JARID2: variants seen among roughly 807,000 people sequenced by gnomAD.
JARID2 encodes the protein protein Jumonji.
In JARID2, 21 loss-of-function variants were observed where a neutral mutation model predicts 125.6. That is an observed-to-expected ratio of 0.17 (90% CI 0.12 to 0.24). The LOEUF is 0.24. Ranked by LOEUF, JARID2 falls within the 10% of genes least tolerant of loss-of-function variation. JARID2 has a pLI of 1.00. For missense variants in JARID2, 1,303 were observed against 1,639.6 expected (o/e 0.79, Z 3.55); for synonymous variants, 736 against 661.6 (o/e 1.11, Z -1.73).
chr6:15,306,709 A>G (rs1581393866), intron 1 of JARID2, among the ~76,000 whole-genome samples: 1 of 151,964 alleles, frequency 6.6e-6, no homozygotes, highest in South Asian at 2.1e-4. Context: ...GAAAAATACC[A>G]TCTTCCTTAA....
chr6:15,287,373 T>C (rs1561771441), intron 1 of JARID2, among the ~76,000 whole-genome samples: 1 of 152,220 alleles, frequency 6.6e-6, no homozygotes. Context: ...TATGGTAATA[T>C]GTTTCTTTGT....
intron 1 of JARID2, among the ~76,000 whole-genome samples, chr6:15,342,920 C>T (rs1005944395): frequency 1.2e-4 from 19 of 152,060 alleles, no homozygotes; most frequent in East Asian, 3.9e-4. Flanking sequence ...AAAATAGTGA[C>T]GGTTAGGCCT....
chr6:15,497,787 G>A (rs573992690), intron 7 of JARID2, among the ~76,000 whole-genome samples: 1 of 152,298 alleles, frequency 6.6e-6, no homozygotes, highest in South Asian at 2.1e-4. Context: ...CCAGTGGGGA[G>A]CGCTGCCCCT....
chr6:15,374,937 T>C (rs1764295854), intron 2 of JARID2, among the ~76,000 whole-genome samples: 1 of 152,250 alleles, frequency 6.6e-6, no homozygotes, highest in Non-Finnish European at 1.5e-5. Flanking sequence ...CCCTGTGTAC[T>C]TATCAGGATT....
At chr6:15,310,719 C>G (rs971366070) in intron 1 of JARID2, among the ~76,000 whole-genome samples, 3 of 152,184 alleles carry the variant, frequency 2.0e-5, no homozygotes, top group Admixed American at 2.0e-4. Flanking sequence ...TCCAGAATTC[C>G]CATCCCCGCT....
chr6:15,256,319 A>G (rs889442104), intron 1 of JARID2, among the ~76,000 whole-genome samples: 1 of 152,170 alleles, frequency 6.6e-6, no homozygotes, highest in Non-Finnish European at 1.5e-5. Context: ...AGGTGATGTA[A>G]TCACCTTCTA....
intron 3 of JARID2, among the ~76,000 whole-genome samples, chr6:15,441,335 A>G (rs1767437943): frequency 6.6e-6 from 1 of 152,172 alleles, no homozygotes; most frequent in Admixed American, 6.5e-5. Context: ...CTGGCACCAG[A>G]TTTTAGTGCA....
intron 8 of JARID2, among the ~76,000 whole-genome samples, chr6:15,504,293 C>A (rs1389906891): frequency 3.9e-5 from 6 of 152,222 alleles, no homozygotes; most frequent in Non-Finnish European, 8.8e-5. Context: ...GGGGTTGATC[C>A]TTGGTGGAGT....
At chr6:15,449,682 TA>T (rs796818859) in intron 3 of JARID2, among the ~76,000 whole-genome samples, 289 of 144,504 alleles carry the variant, frequency 2.0e-3, no homozygotes, top group Non-Finnish European at 3.0e-3. Context: ...AGGTTAAAAA[TA>T]AAAAAAAAAA....
chr6:15,504,405 G>A lies in JARID2; in HGVS notation c.2449-95G>A, dbSNP rs781318706. 1.3e-3 allele frequency: 1,146 copies of A among 869,150 alleles called. 18 individuals carry two copies. Among genetic ancestry groups the A allele is most frequent in the Middle Eastern group, 8.8e-4 (4 of 4,540 alleles). The allele number at this position is 869,150 out of a possible 1,614,324, so 53.8% of individuals were successfully genotyped here. A position where few individuals can be genotyped will look rare whatever the true frequency, so the allele number is the denominator to read the frequency against. On this transcript the variant is annotated intron_variant, in intron 8 of 17. Coordinates refer to ENST00000341776, the MANE Select transcript of JARID2 (RefSeq NM_004973.4). ...CAAGGTGGCCCACAGCCGCAGGGAC[G>A]CCAAGGGGCAGCGGCCCATGACAGG...
intron 6 of JARID2, among the ~76,000 whole-genome samples, chr6:15,489,372 G>A (rs1383383911): frequency 2.0e-5 from 3 of 152,214 alleles, no homozygotes; most frequent in Non-Finnish European, 4.4e-5. Context: ...GGGTGGCAGA[G>A]GACCTGAGTC....
chr6:15,333,987 T>G (rs570066383), intron 1 of JARID2, among the ~76,000 whole-genome samples: 1 of 152,096 alleles, frequency 6.6e-6, no homozygotes, highest in Admixed American at 6.5e-5. Flanking sequence ...ACACAAAATA[T>G]ATTTAGTGGG....
intron 1 of JARID2, among the ~76,000 whole-genome samples, chr6:15,373,916 G>A (rs1201600208): frequency 6.6e-6 from 1 of 152,168 alleles, no homozygotes; most frequent in Non-Finnish European, 1.5e-5. Context: ...CTTTTTAACA[G>A]CCTGTGGATT....
At position 15,419,905 on chromosome 6, in the gene JARID2, T is replaced by C. The variant is rs556910243; in HGVS notation, c.323+9540T>C. ...TTAGGTTTGTAGATTTCATTTACTA[T>C]GGAAAAATTAGAGCCATTATTATTT... is the stretch of plus-strand genomic sequence containing the variant. On this transcript the variant is annotated intron_variant, in intron 3 of 17. Coordinates refer to ENST00000341776, the MANE Select transcript of JARID2 (RefSeq NM_004973.4). Among the ~76,000 whole-genome samples the C allele has an allele frequency of 1.1e-4, 16 of 152,358 alleles. No homozygotes were observed. In the South Asian group the frequency reaches 2.3e-3, roughly 22 times the overall value.
intron 1 of JARID2, among the ~76,000 whole-genome samples, chr6:15,322,191 C>T (rs969048555): frequency 1.3e-5 from 2 of 152,144 alleles, no homozygotes; most frequent in African/African-American, 4.8e-5. Context: ...TTCAAATATC[C>T]AAACAGGCAT....
At chr6:15,503,603 C>T (rs891027593) in intron 8 of JARID2, among the ~76,000 whole-genome samples, 2 of 152,198 alleles carry the variant, frequency 1.3e-5, no homozygotes, top group Non-Finnish European at 2.9e-5. Flanking sequence ...CCTGTGTCTT[C>T]CCCAGACTGA....
intron 1 of JARID2, among the ~76,000 whole-genome samples, chr6:15,281,963 T>A (rs1760769369): frequency 7.0e-6 from 1 of 142,988 alleles, no homozygotes; most frequent in African/African-American, 2.6e-5. Flanking sequence ...TGTGTGTGTG[T>A]GTTTGAGACA....
intron 1 of JARID2, chr6:15,248,509 C>A (rs1200923859): frequency 2.0e-5 from 3 of 147,928 alleles, no homozygotes; most frequent in Non-Finnish European, 4.5e-5. Flanking sequence ...GCGCCCCCCA[C>A]CGCGCACACG....
chr6:15,493,229 T>G (rs1770243601), intron 6 of JARID2, among the ~76,000 whole-genome samples: 1 of 152,126 alleles, frequency 6.6e-6, no homozygotes, highest in African/African-American at 2.4e-5. Flanking sequence ...GTCCACGGAT[T>G]TGTGGGAACA....
Sources: gnomAD v4.1 joint callset for allele counts (sites outside exome capture counted in the v4.1 genomes callset) on GRCh38, gnomAD v4.1.1 for gene constraint, MANE v1.5 for transcripts, NCBI Gene and HGNC (gene_info 2026-07-23, HGNC 2026-07-21) for gene names.